Variants in ERI1 observed in about 807,000 individuals in gnomAD.
ERI1 encodes exoribonuclease 1.
In ERI1, 39 loss-of-function variants were observed where a neutral mutation model predicts 39.7. That is an observed-to-expected ratio of 0.98 (90% CI 0.76 to 1.28). The LOEUF (loss-of-function observed/expected upper bound fraction) is 1.28. ERI1 is among the 50% of genes most tolerant of loss of function. ERI1 has a pLI of 0.00. For missense variants in ERI1, 581 were observed against 416.9 expected, an observed-to-expected ratio of 1.39 and a Z score of -3.43; for synonymous variants, 204 against 149.6, an observed-to-expected ratio of 1.36 and a Z score of -2.65.
At chr8:9,005,526 T>G (rs1287487088) in intron 1 of ERI1, among the ~76,000 whole-genome samples, 13 of 150,668 alleles carry the variant, frequency 8.6e-5, no homozygotes, top group Admixed American at 8.6e-4. Context: ...TTTTTTTTTT[T>G]TTTTTTGAGA....
chr8:9,098,246 G>A (rs557581858), intron 3 of ERI1, among the ~76,000 whole-genome samples: 1 of 152,136 alleles, frequency 6.6e-6, no homozygotes, highest in African/African-American at 2.4e-5. Flanking sequence ...TTGGCCGAGC[G>A]CAGTGGCTCA....
intron 3 of ERI1, among the ~76,000 whole-genome samples, chr8:9,067,166 A>G (rs2117415137): frequency 1.3e-5 from 2 of 152,330 alleles, no homozygotes; most frequent in East Asian, 3.9e-4. Flanking sequence ...CTATACAAAT[A>G]TAAGCCCCCA....
intron 3 of ERI1, among the ~76,000 whole-genome samples, chr8:9,040,122 A>G (rs1176640998): frequency 6.6e-6 from 1 of 152,242 alleles, no homozygotes; most frequent in Non-Finnish European, 1.5e-5. Context: ...TGTAGCAGTC[A>G]GTATTTCTCA....
intron 3 of ERI1, among the ~76,000 whole-genome samples, chr8:9,059,447 G>T (rs147520508): frequency 5.3e-5 from 8 of 152,242 alleles, no homozygotes; most frequent in Non-Finnish European, 1.2e-4. Context: ...AGGATTAGGG[G>T]CAGCGTGGGA....
In ERI1 at chr8:9,020,462, A is replaced by T. The variant is rs1487543483; in HGVS notation, c.805A>T (p.Lys269Ter). ...NIRKSYGNFY[K>*]VPRSQTKLTI... Reference sequence around the variant, plus strand: ...TCGGAAGTCATATGGAAATTTTTACAAGGTAAAATTTCTATATTTAATAAT... The same window carrying T: ...TCGGAAGTCATATGGAAATTTTTACTAGGTAAAATTTCTATATTTAATAAT... Residue 269 changes from lysine (K) to a stop codon, truncating the protein, a stop_gained and splice_region_variant, in exon 6 of 7, where the codon AAG becomes TAG. Transcript: ENST00000250263. LOFTEE classifies it high-confidence loss of function. The T allele has an allele frequency of 6.4e-7, 1 of 1,572,018 alleles. No homozygotes were observed. Among genetic ancestry groups the T allele is most frequent in the African/African-American group, 1.4e-5 (1 of 73,460 alleles).
chr8:9,005,535 GAGGGAGTCTCTCTCTGTTGCCC>G (rs1815901819), intron 1 of ERI1, among the ~76,000 whole-genome samples: 1 of 135,368 alleles, frequency 7.4e-6, no homozygotes, highest in Non-Finnish European at 1.5e-5. Context: ...TTTTTTTTGA[GAGGGAGTCTCTCTCTGTTGCCC>G]AGGCTGGAGT....
At chr8:9,008,448 A>T (rs1183175299) in intron 2 of ERI1, among the ~76,000 whole-genome samples, 3 of 152,186 alleles carry the variant, frequency 2.0e-5, no homozygotes, top group Non-Finnish European at 2.9e-5. Context: ...CATTTAAATG[A>T]TGGATAGTTA....
intron 3 of ERI1, among the ~76,000 whole-genome samples, chr8:9,071,118 T>C (rs940525862): frequency 5.9e-5 from 9 of 152,240 alleles, no homozygotes; most frequent in African/African-American, 2.2e-4. Flanking sequence ...GCTAAGATTA[T>C]TGAACTCGCA....
intron 3 of ERI1, among the ~76,000 whole-genome samples, chr8:9,041,844 C>G (rs931934534): frequency 3.9e-5 from 6 of 152,178 alleles, no homozygotes; most frequent in African/African-American, 1.2e-4. Context: ...AGGCGATTCT[C>G]TTGCCTCAGC....
rs1208512661 is a variant in ERI1 at position 9,032,554 on chromosome 8, A to C, written c.*2520A>C. On this transcript the variant is annotated 3_prime_UTR_variant, in exon 7 of 7. Transcript: ENST00000250263. ...CCATTTATCCTGCCTCCTAGGGAGA[A>C]GTTTCTGCCTGGATTGAAACAAAAA... 2 of 152,194 alleles carry C rather than the reference A, an allele frequency of 1.3e-5. No individual in the cohort carries two copies. The highest frequency in any genetic ancestry group is 2.9e-5 in the Non-Finnish European group (2 of 68,038). 9.4% of individuals were successfully genotyped at this position (152,194 alleles called of 1,614,324 possible).
intron 3 of ERI1, among the ~76,000 whole-genome samples, chr8:9,013,802 A>G (rs780879181): frequency 6.6e-5 from 10 of 152,246 alleles, no homozygotes; most frequent in Non-Finnish European, 1.0e-4. Context: ...CTTTGGAGTC[A>G]TCTTTGACTC....
chr8:9,086,612 G>C (rs553056162), intron 3 of ERI1, among the ~76,000 whole-genome samples: 124 of 152,286 alleles, frequency 8.1e-4, no homozygotes, highest in African/African-American at 2.8e-3. Flanking sequence ...AGAATGCATT[G>C]TAACAAAATA....
At chr8:9,013,795 T>C (rs1342312428) in intron 3 of ERI1, among the ~76,000 whole-genome samples, 1 of 152,198 alleles carries the variant, frequency 6.6e-6, no homozygotes, top group African/African-American at 2.4e-5. Context: ...TCAAAAACTT[T>C]GGAGTCATCT....
intron 3 of ERI1, among the ~76,000 whole-genome samples, chr8:9,099,598 C>CAAAAA (rs752054721): frequency 1.1e-5 from 1 of 90,542 alleles, no homozygotes; most frequent in Non-Finnish European, 2.3e-5. Context: ...CTCTCTCTCT[C>CAAAAA]AAAAAAAAAA....
At chr8:9,097,559 C>T (rs1002611525) in intron 3 of ERI1, among the ~76,000 whole-genome samples, 3 of 151,614 alleles carry the variant, frequency 2.0e-5, no homozygotes, top group African/African-American at 4.8e-5. Flanking sequence ...GTCCCAGCTA[C>T]GCAGGAGGCT....
At chr8:9,009,196 A>G (rs1816404864) in intron 2 of ERI1, 4 of 395,110 alleles carry the variant, frequency 1.0e-5, no homozygotes, top group South Asian at 5.5e-5. Context: ...TGCACTAGGC[A>G]TTGAAGTTAT....
chr8:9,038,638 T>G (rs980871603), intron 3 of ERI1, among the ~76,000 whole-genome samples: 2 of 152,264 alleles, frequency 1.3e-5, no homozygotes, highest in Non-Finnish European at 2.9e-5. Flanking sequence ...AAGCCTGTAG[T>G]CCCATCTACT....
At chr8:9,036,346 C>T (rs1391604078), downstream of ERI1, among the ~76,000 whole-genome samples, 1 of 152,196 alleles carries the variant, frequency 6.6e-6, no homozygotes, top group Non-Finnish European at 1.5e-5. Flanking sequence ...CACAGCCACT[C>T]CAATCTTCAT....
At chr8:9,028,618 T>G (rs953139409) in intron 6 of ERI1, among the ~76,000 whole-genome samples, 2 of 151,920 alleles carry the variant, frequency 1.3e-5, no homozygotes, top group Non-Finnish European at 2.9e-5. Context: ...GAAGAAAATA[T>G]AACAATTTTT....
Sources: gnomAD v4.1 joint callset for allele counts (sites outside exome capture counted in the v4.1 genomes callset) on GRCh38, gnomAD v4.1.1 for gene constraint, MANE v1.5 for transcripts, NCBI Gene and HGNC (gene_info 2026-07-23, HGNC 2026-07-21) for gene names.